The following CSF3R variants were observed in gnomAD, a reference collection of about 807,000 sequenced individuals.
The protein encoded by CSF3R is granulocyte colony-stimulating factor receptor.
A neutral mutation model predicts 84.4 loss-of-function variants in CSF3R; 52 were observed. The ratio of observed to expected loss-of-function variants is 0.62; its 90% CI spans 0.49 to 0.78. The LOEUF is 0.78. Ranked by LOEUF, CSF3R falls within the 30% of genes least tolerant of loss-of-function variation. The pLI, the probability that CSF3R is intolerant of heterozygous loss-of-function variation, is 0.00. For synonymous variants in CSF3R, 384 were observed against 429.1 expected (o/e 0.89, Z 1.30); for missense variants, 890 against 1,055.7 (o/e 0.84, Z 2.17).
rs554216107 is a variant in CSF3R, at chr1:36,471,358, A to G, written c.1285+75T>C. The G allele has an allele frequency of 8.9e-6, 13 of 1,459,832 alleles. No homozygotes were observed. The African/African-American group carries it at 1.5e-4, about 17-fold the overall frequency. The allele number at this position is 1,459,832 out of a possible 1,614,324, so 90.4% of individuals were successfully genotyped here. On this transcript the variant is annotated intron_variant, in intron 10 of 16. Transcript: ENST00000373106. ...CACTGCGCCCGGCCAATAGGACTAG[A>G]TTTAACCCAGGCAGTCTAGCCTTTG... is the stretch of plus-strand genomic sequence containing the variant.
chr1:36,475,311 ATATTCT>A lies in CSF3R; in HGVS notation c.361+60_361+65del, dbSNP rs1004056593. 5.1e-5 allele frequency: 81 copies of A among 1,593,202 alleles called. No individual in the cohort carries two copies. The African/African-American group carries it at 8.6e-4, about 17-fold the overall frequency. ...CGTGAGCCAACGTGCCCGGCTGGTA[ATATTCT>A]TATTAGTATTGGCAGGAGGGTGTTG... On this transcript the variant is annotated intron_variant, in intron 4 of 16. Coordinates refer to ENST00000373106, the MANE Select transcript of CSF3R (RefSeq NM_000760.4).
rs758923889 is a variant in CSF3R, at chr1:36,466,456, G to T, written c.2412C>A (p.Ala804=). The T allele has an allele frequency of 3.7e-6, 6 of 1,612,750 alleles. No homozygotes were observed. Among genetic ancestry groups the T allele is most frequent in the Non-Finnish European group, 2.5e-6 (3 of 1,179,464 alleles). Residue 804 remains alanine, a synonymous_variant, in exon 17 of 17, where the codon GCC becomes GCA. Coordinates refer to ENST00000373106, the MANE Select transcript of CSF3R (RefSeq NM_000760.4). The surrounding 1 kb of genome is among the most constrained non-coding windows in gnomAD (Gnocchi z 4.6). ...ASPLGTLVTP[A]PSQEDDCVFG... The stretch of plus-strand genomic sequence containing the variant: ...AGACACAGTCGTCCTCCTGGCTTGG[G>T]GCTGGGGTTACCAGGGTCCCCAAGG...
In CSF3R at chr1:36,472,288, C is replaced by T; in HGVS notation, c.947G>A (p.Gly316Asp). ...GCTGGGGCTCCAGTCGCTCCAGTGG[C>T]CAGGCAGGGGCCAGCGGATGCAGCG... ...QIRCIRWPLP[G>D]HWSDWSPSLE... The change falls in exon 8 of 17, where the codon GGC becomes GAC. Residue 316 changes from glycine (G) to aspartate (D), a missense_variant. Coordinates refer to ENST00000373106, the MANE Select transcript of CSF3R (RefSeq NM_000760.4). The surrounding 1 kb of genome is among the most constrained non-coding windows in gnomAD (Gnocchi z 5.0). The T allele has an allele frequency of 6.2e-7, 1 of 1,614,204 alleles. No individual in the cohort carries two copies. The highest frequency in any genetic ancestry group is 8.5e-7 in the Non-Finnish European group (1 of 1,180,032).
rs568657411 is a variant in CSF3R at position 36,467,545 on chromosome 1, C to A, written c.1958+13G>T. On this transcript the variant is annotated intron_variant, in intron 15 of 16. Transcript: ENST00000373106. This position sits in a 1 kb window ranked among gnomAD's most constrained non-coding sequence, Gnocchi z 4.1. ...GGGGGAAGCAGGATCTCAGGTCTCT[C>A]AAAGGGACTCACTTGGGGCTGCAAC... The A allele has an allele frequency of 6.2e-7, 1 of 1,613,104 alleles. No individual in the cohort carries two copies. The highest frequency in any genetic ancestry group is 1.7e-5 in the Admixed American group (1 of 59,968).
At chr1:36,481,157 C>T (rs191719047) in intron 2 of CSF3R, among the ~76,000 whole-genome samples, 98 of 152,334 alleles carry the variant, frequency 6.4e-4, no homozygotes, top group African/African-American at 2.3e-3. Flanking sequence ...TATCCCAGCC[C>T]TGTTGCCCTA....
intron 12 of CSF3R, chr1:36,468,613 A>G (rs1650499726): frequency 4.6e-6 from 1 of 216,230 alleles, no homozygotes; most frequent in Non-Finnish European, 9.4e-6. Flanking sequence ...GGCTCACTAC[A>G]GCCTCGACCT....
At chr1:36,471,406 G>C in intron 10 of CSF3R, 27 bp downstream of exon 10, 1 of 1,600,224 alleles carries the variant, frequency 6.2e-7, no homozygotes, top group Non-Finnish European at 8.6e-7. Context: ...TGACCTCTGT[G>C]CTCTTCTGGC....
chr1:36,479,614 T>C (rs2124153179), intron 2 of CSF3R, 98 bp from the exon 3 acceptor site: 3 of 930,956 alleles, frequency 3.2e-6, no homozygotes, highest in Admixed American at 1.9e-5. Flanking sequence ...GTTGCTTGAC[T>C]TCTCTGAGCC....
rs772502025 is a variant in CSF3R, at chr1:36,467,785, A to G, written c.1864+37T>C. On this transcript the variant is annotated intron_variant, in intron 14 of 16. Coordinates refer to ENST00000373106, the MANE Select transcript of CSF3R (RefSeq NM_000760.4). This position sits in a 1 kb window ranked among gnomAD's most constrained non-coding sequence, Gnocchi z 4.1. ...GCATCCTTTGGGTGGGGTACCCTCC[A>G]AACAGCCATCTCTGCCCAGCCCCCG... 5.6e-6 allele frequency: 9 copies of G among 1,614,106 alleles called. No homozygotes were observed. The South Asian group carries it at 8.8e-5, about 16-fold the overall frequency.
rs1232223334 is a variant in CSF3R at position 36,467,759 on chromosome 1, A to G, written c.1864+63T>C. ...TCAGTCCCCAGCTACTCTCAAAATCAGCATCCTTTGGGTGGGGTACCCTCC... is the reference window on the plus strand; with the variant it reads ...TCAGTCCCCAGCTACTCTCAAAATCGGCATCCTTTGGGTGGGGTACCCTCC... On this transcript the variant is annotated intron_variant, in intron 14 of 16. Transcript: ENST00000373106. The surrounding 1 kb of genome is among the most constrained non-coding windows in gnomAD (Gnocchi z 4.1). The G allele has an allele frequency of 1.1e-5, 18 of 1,613,814 alleles. No homozygotes were observed. The East Asian group carries it at 4.0e-4, about 36-fold the overall frequency.
At chr1:36,483,094 C>T (rs1651636152), upstream of CSF3R, 1 of 152,248 alleles carries the variant, frequency 6.6e-6, no homozygotes, top group Non-Finnish European at 1.5e-5. Context: ...TCTTAAAGGG[C>T]TGGGGAATGT....
At chr1:36,473,018 C>T in intron 6 of CSF3R, 1 of 415,402 alleles carries the variant, frequency 2.4e-6, no homozygotes, top group Non-Finnish European at 4.3e-6. Context: ...CCAGTGCTCC[C>T]CTTCCCCCCT....
intron 9 of CSF3R, 99 bp downstream of exon 9, chr1:36,471,967 G>A (rs1021151129): frequency 4.1e-6 from 5 of 1,209,490 alleles, no homozygotes; most frequent in East Asian, 2.4e-5. Context: ...ATGCGTCCAC[G>A]CCTCCCAGAC....
In CSF3R at chr1:36,468,087, T is replaced by C. The variant is rs372318763; in HGVS notation, c.1711A>G (p.Asn571Asp). ...HYTIFWTNAQ[N>D]QSFSAILNAS... Reference sequence around the variant, plus strand: ...AGGATAGACTCACAGAAGGACTGGTTCTGAGCGTTGGTCCAGAAGATGGTG... The same window carrying C: ...AGGATAGACTCACAGAAGGACTGGTCCTGAGCGTTGGTCCAGAAGATGGTG... The change falls in exon 13 of 17, where the codon AAC becomes GAC. Residue 571 changes from asparagine (N) to aspartate (D), a missense_variant. Coordinates refer to ENST00000373106, the MANE Select transcript of CSF3R (RefSeq NM_000760.4). The C allele has an allele frequency of 2.0e-5, 32 of 1,614,104 alleles. No homozygotes were observed. The highest frequency in any genetic ancestry group is 2.6e-5 in the Non-Finnish European group (31 of 1,180,044).
At position 36,473,153 on chromosome 1, in the gene CSF3R, C is replaced by G. The variant is rs3917969; in HGVS notation, c.673+282G>C. On this transcript the variant is annotated intron_variant, in intron 6 of 16. Coordinates refer to ENST00000373106, the MANE Select transcript of CSF3R (RefSeq NM_000760.4). ...GGGCATTTTTGATGCTTTGTATCCC[C>G]AGTACCTAGAGCAGTGCCTAACATG... 0.028 allele frequency: 13,748 copies of G among 499,282 alleles called. 661 individuals are homozygous for G. Among genetic ancestry groups the G allele is most frequent in the African/African-American group, 0.15 (7,863 of 51,696 alleles). The allele number at this position is 499,282 out of a possible 1,614,324, so 30.9% of individuals were successfully genotyped here. A position where few individuals can be genotyped will look rare whatever the true frequency, so the allele number is the denominator to read the frequency against.
Position 36,475,666 on chromosome 1 carries a change from C to T in CSF3R, c.72G>A (p.Glu24=). The T allele has an allele frequency of 6.2e-7, 1 of 1,606,532 alleles. No homozygotes were observed. Among genetic ancestry groups the T allele is most frequent in the Non-Finnish European group, 8.5e-7 (1 of 1,175,014 alleles). ...LIILLLPGSL[E]ECGHISVSAP... ...CTGAGACACTGATGTGCCCGCACTCCTCCAGACCTGGGGTGGAAGAGAATG... is the reference window on the plus strand; with the variant it reads ...CTGAGACACTGATGTGCCCGCACTCTTCCAGACCTGGGGTGGAAGAGAATG... The change falls in exon 4 of 17, where the codon GAG becomes GAA. Residue 24 remains glutamate (E), a synonymous_variant. Coordinates refer to ENST00000373106, the MANE Select transcript of CSF3R (RefSeq NM_000760.4).
rs2124141778 is a variant in CSF3R, at chr1:36,476,687, T to A, written c.65-1014A>T. Among the ~76,000 whole-genome samples, 2 of 152,144 alleles carry A rather than the reference T, an allele frequency of 1.3e-5. 1 individual carries two copies. Among genetic ancestry groups the A allele is most frequent in the South Asian group, 4.1e-4 (2 of 4,820 alleles). On this transcript the variant is annotated intron_variant, in intron 3 of 16. Coordinates refer to ENST00000373106, the MANE Select transcript of CSF3R (RefSeq NM_000760.4). ...TTTTCTTTTCTTTTTTTTCTTCAAG[T>A]TCTTGCTCTGTCACTCAGGCTGGAG... is the stretch of plus-strand genomic sequence containing the variant.
rs767458386 is a variant in CSF3R at position 36,475,660 on chromosome 1, G to T, written c.78C>A (p.Cys26Ter). 2 of 1,606,974 alleles carry T rather than the reference G, an allele frequency of 1.2e-6. No homozygotes were observed. The highest frequency in any genetic ancestry group is 1.7e-6 in the Non-Finnish European group (2 of 1,175,306). The stretch of plus-strand genomic sequence containing the variant: ...TGGGGGCTGAGACACTGATGTGCCC[G>T]CACTCCTCCAGACCTGGGGTGGAAG... ...ILLLPGSLEE[C>*]GHISVSAPIV... The change falls in exon 4 of 17, where the codon TGC becomes TGA. Residue 26 changes from cysteine (C) to a stop codon, truncating the protein, a stop_gained. Coordinates refer to ENST00000373106, the MANE Select transcript of CSF3R (RefSeq NM_000760.4). LOFTEE classifies it high-confidence loss of function.
At position 36,472,271 on chromosome 1, in the gene CSF3R, T is replaced by A. The variant is rs376634675; in HGVS notation, c.964A>T (p.Ser322Cys). 6.2e-7 allele frequency: 1 copy of A among 1,614,162 alleles called. No individual in the cohort carries two copies. Among genetic ancestry groups the A allele is most frequent in the Non-Finnish European group, 8.5e-7 (1 of 1,180,028 alleles). ...WPLPGHWSDW[S>C]PSLELRTTER... Reference sequence around the variant, plus strand: ...GTAGTTCTCAGCTCCAGGCTGGGGCTCCAGTCGCTCCAGTGGCCAGGCAGG... The same window carrying A: ...GTAGTTCTCAGCTCCAGGCTGGGGCACCAGTCGCTCCAGTGGCCAGGCAGG... Residue 322 changes from serine (S) to cysteine (C), a missense_variant, in exon 8 of 17, where the codon AGC becomes TGC. By Grantham distance (112) the Ser-to-Cys change is moderately radical (BLOSUM62 -1). Coordinates refer to ENST00000373106, the MANE Select transcript of CSF3R (RefSeq NM_000760.4). The surrounding 1 kb of genome is among the most constrained non-coding windows in gnomAD (Gnocchi z 5.0).
Sources: allele counts gnomAD v4.1 joint callset (sites outside exome capture counted in the v4.1 genomes callset), GRCh38; gene constraint gnomAD v4.1.1; non-coding constraint Gnocchi (gnomAD v3.1); transcripts MANE v1.5; gene names NCBI Gene and HGNC (gene_info 2026-07-23, HGNC 2026-07-21).